The following USP6NL variants were observed in gnomAD, a reference collection of about 807,000 sequenced individuals.
USP6NL encodes the protein USP6 N-terminal like.
In USP6NL, 26 loss-of-function variants were observed where a neutral mutation model predicts 61.9. The observed-to-expected ratio is 0.42, with a 90% CI of 0.31 to 0.58. USP6NL has a LOEUF of 0.58. USP6NL is among the 20% of genes least tolerant of loss of function. The pLI is 0.16. For synonymous variants in USP6NL, 432 were observed against 390.1 expected (o/e 1.11, Z -1.27); for missense variants, 1,114 against 1,034.3 (o/e 1.08, Z -1.06).
chr10:11,584,600 A>C (rs1345682606), intron 2 of USP6NL, among the ~76,000 whole-genome samples: 4 of 152,142 alleles, frequency 2.6e-5, no homozygotes, highest in African/African-American at 4.8e-5. Flanking sequence ...ACTATGCATT[A>C]TCTCTCCTCT....
intron 2 of USP6NL, among the ~76,000 whole-genome samples, chr10:11,583,824 T>C (rs540876216): frequency 1.3e-5 from 2 of 152,152 alleles, no homozygotes; most frequent in East Asian, 3.9e-4. Context: ...GGTCAGGAGC[T>C]CAAGACCAGC....
At chr10:11,580,985 C>T (rs1176309717) in intron 2 of USP6NL, among the ~76,000 whole-genome samples, 1 of 152,008 alleles carries the variant, frequency 6.6e-6, no homozygotes, top group Non-Finnish European at 1.5e-5. Context: ...TGGTATAATT[C>T]TAAAGCAAAA....
At chr10:11,590,520 C>T (rs1838129343) in intron 2 of USP6NL, among the ~76,000 whole-genome samples, 1 of 152,166 alleles carries the variant, frequency 6.6e-6, no homozygotes, top group Non-Finnish European at 1.5e-5. Context: ...CTAAGCGGTG[C>T]TTTCCACTAC....
In USP6NL at chr10:11,611,124, C is replaced by T. The variant is rs1588431805; in HGVS notation, c.-84+319G>A. ...AACTTGCGAGGGAGACGCGCCTGGC[C>T]GGGATCGCGGCTCACTCGGGGAGGC... is the stretch of plus-strand genomic sequence containing the variant. On this transcript the variant is annotated intron_variant, in intron 1 of 14. Coordinates refer to ENST00000609104, the MANE Select transcript of USP6NL (RefSeq NM_014688.5). This position sits in a 1 kb window ranked among gnomAD's most constrained non-coding sequence, Gnocchi z 5.3. Among the ~76,000 whole-genome samples, 1 of 152,224 alleles carries T rather than the reference C, an allele frequency of 6.6e-6. No homozygotes were observed. Among genetic ancestry groups the T allele is most frequent in the African/African-American group, 2.4e-5 (1 of 41,568 alleles).
rs1434392273 is a variant in USP6NL, at chr10:11,611,102, T to C, written c.-84+341A>G. 6.6e-6 allele frequency among the ~76,000 whole-genome samples: 1 copy of C among 152,064 alleles called. No individual in the cohort carries two copies. The highest frequency in any genetic ancestry group is 1.5e-5 in the Non-Finnish European group (1 of 67,972). ...GGGGCTCGGGAGACGCGACCGAAAC[T>C]TGCGAGGGAGACGCGCCTGGCCGGG... On this transcript the variant is annotated intron_variant, in intron 1 of 14. Coordinates refer to ENST00000609104, the MANE Select transcript of USP6NL (RefSeq NM_014688.5). The surrounding 1 kb of genome is among the most constrained non-coding windows in gnomAD (Gnocchi z 5.3).
intron 10 of USP6NL, among the ~76,000 whole-genome samples, chr10:11,488,214 C>T (rs1224031814): frequency 1.3e-5 from 2 of 152,022 alleles, no homozygotes; most frequent in Non-Finnish European, 2.9e-5. Flanking sequence ...GAGACTGAGA[C>T]CAGCCTACTC....
intron 7 of USP6NL, among the ~76,000 whole-genome samples, chr10:11,494,166 CA>C (rs1463114550): frequency 1.3e-5 from 2 of 152,184 alleles, no homozygotes; most frequent in Non-Finnish European, 2.9e-5. Context: ...TATTTTTGCT[CA>C]AAAGGCACAG....
chr10:11,477,314 A>C (rs1833009104), intron 14 of USP6NL, among the ~76,000 whole-genome samples: 2 of 152,254 alleles, frequency 1.3e-5, no homozygotes, highest in African/African-American at 4.8e-5. Flanking sequence ...AGGTACAAAG[A>C]AAGTGAGAAA....
intron 2 of USP6NL, among the ~76,000 whole-genome samples, chr10:11,552,244 A>T (rs1836517058): frequency 6.6e-6 from 1 of 152,236 alleles, no homozygotes; most frequent in African/African-American, 2.4e-5. Flanking sequence ...TGGGGTAAAA[A>T]TGAAAACCAG....
At position 11,462,306 on chromosome 10, in the gene USP6NL, T is replaced by C. The variant is rs115783922; in HGVS notation, c.*135A>G. 1,797 of 1,059,192 alleles carry C rather than the reference T, an allele frequency of 1.7e-3. 14 individuals carry two copies. In the African/African-American group the frequency reaches 0.025, roughly 14 times the overall value. 65.6% of individuals were successfully genotyped at this position (1,059,192 alleles called of 1,614,324 possible). On this transcript the variant is annotated 3_prime_UTR_variant, in exon 15 of 15. Transcript: ENST00000609104. ...ACGTGGGGCTGAAGACATTTCCCTG[T>C]ATTCTTACTACTAACAGACAGGAGA... is the stretch of plus-strand genomic sequence containing the variant.
At position 11,554,966 on chromosome 10, in the gene USP6NL, A is replaced by ATTTTTTTTTTT. The variant is rs764342021; in HGVS notation, c.5-27410_5-27400dup. ...AGGTGCCTGCCACCATGCCCGGCTA[A>ATTTTTTTTTTT]TTTTTTTTTTTTTTTTTTTACTAGA... is the stretch of plus-strand genomic sequence containing the variant. On this transcript the variant is annotated intron_variant, in intron 2 of 14. Transcript: ENST00000609104. 8.8e-3 allele frequency among the ~76,000 whole-genome samples: 979 copies of ATTTTTTTTTTT among 111,768 alleles called. 34 individuals carry two copies. Among genetic ancestry groups the ATTTTTTTTTTT allele is most frequent in the African/African-American group, 0.02 (609 of 30,328 alleles). The allele number at this position is 111,768 out of a possible 152,430, so 73.3% of individuals were successfully genotyped here.
chr10:11,541,584 C>T (rs1416505169), intron 2 of USP6NL, among the ~76,000 whole-genome samples: 1 of 152,020 alleles, frequency 6.6e-6, no homozygotes, highest in Non-Finnish European at 1.5e-5. Context: ...AATCTGTCAA[C>T]AAGGATCCTC....
Position 11,575,598 on chromosome 10 carries a change from G to A in USP6NL, c.4+22033C>T, listed in dbSNP as rs543312802. On this transcript the variant is annotated intron_variant, in intron 2 of 14. Coordinates refer to ENST00000609104, the MANE Select transcript of USP6NL (RefSeq NM_014688.5). This position sits in a 1 kb window ranked among gnomAD's most constrained non-coding sequence, Gnocchi z 4.2. The stretch of plus-strand genomic sequence containing the variant: ...CAATCATCATCTTCCTTATCTCACT[G>A]GTATTATCACTGGTTTTGAAAATGA... Among the ~76,000 whole-genome samples the A allele has an allele frequency of 6.6e-6, 1 of 152,186 alleles. No individual in the cohort carries two copies. The highest frequency in any genetic ancestry group is 6.5e-5 in the Admixed American group (1 of 15,296).
In USP6NL at chr10:11,602,720, T is replaced by C. The variant is rs925235315; in HGVS notation, c.-83-5003A>G. Among the ~76,000 whole-genome samples the C allele has an allele frequency of 6.6e-6, 1 of 152,178 alleles. No individual in the cohort carries two copies. Among genetic ancestry groups the C allele is most frequent in the Non-Finnish European group, 1.5e-5 (1 of 68,016 alleles). ...CAAAGGAAACGCTCATTAGGGCACT[T>C]TGGATTTCATTTTTGGGATGCTCAA... On this transcript the variant is annotated intron_variant, in intron 1 of 14. Coordinates refer to ENST00000609104, the MANE Select transcript of USP6NL (RefSeq NM_014688.5). This position sits in a 1 kb window ranked among gnomAD's most constrained non-coding sequence, Gnocchi z 4.8.
At chr10:11,544,339 A>C (rs1280687200) in intron 2 of USP6NL, among the ~76,000 whole-genome samples, 2 of 152,200 alleles carry the variant, frequency 1.3e-5, no homozygotes, top group South Asian at 2.1e-4. Flanking sequence ...ACCAACTCCA[A>C]GGAGACTGAC....
At chr10:11,504,103 C>A (rs1218058799) in intron 6 of USP6NL, among the ~76,000 whole-genome samples, 2 of 152,128 alleles carry the variant, frequency 1.3e-5, no homozygotes, top group Non-Finnish European at 2.9e-5. Context: ...AAAACATGAA[C>A]ACAAAATCAC....
chr10:11,567,902 G>A (rs1837222051), intron 2 of USP6NL, among the ~76,000 whole-genome samples: 1 of 152,102 alleles, frequency 6.6e-6, no homozygotes, highest in Non-Finnish European at 1.5e-5. Context: ...TCCATAACTT[G>A]CTCAAGGCTA....
In USP6NL at chr10:11,496,268, T is replaced by C. The variant is rs1159327391; in HGVS notation, c.385-3040A>G. Reference sequence around the variant, plus strand: ...GCTTCTGAAACAGACTTTCAACCACTTCTGTGTTTAGCTTCACCTCCACTT... The same window carrying C: ...GCTTCTGAAACAGACTTTCAACCACCTCTGTGTTTAGCTTCACCTCCACTT... On this transcript the variant is annotated intron_variant, in intron 7 of 14. Transcript: ENST00000609104. This position sits in a 1 kb window ranked among gnomAD's most constrained non-coding sequence, Gnocchi z 5.4. 1.3e-5 allele frequency among the ~76,000 whole-genome samples: 2 copies of C among 152,212 alleles called. No homozygotes were observed. Among genetic ancestry groups the C allele is most frequent in the Non-Finnish European group, 2.9e-5 (2 of 68,038 alleles).
At chr10:11,583,852 A>G (rs1837875484) in intron 2 of USP6NL, among the ~76,000 whole-genome samples, 1 of 152,092 alleles carries the variant, frequency 6.6e-6, no homozygotes, top group African/African-American at 2.4e-5. Flanking sequence ...ACGTGGCAAA[A>G]CCCTGAAAAC....
Sources: allele counts gnomAD v4.1 joint callset (sites outside exome capture counted in the v4.1 genomes callset), GRCh38; gene constraint gnomAD v4.1.1; non-coding constraint Gnocchi (gnomAD v3.1); transcripts MANE v1.5; gene names NCBI Gene and HGNC (gene_info 2026-07-23, HGNC 2026-07-21).